The following SNAP25 variants were observed in gnomAD, a reference collection of about 807,000 sequenced individuals.
SNAP25 encodes synaptosome associated protein 25.
SNAP25 carries 3 observed loss-of-function variants against 28.7 expected under a neutral mutation model. The ratio of observed to expected loss-of-function variants is 0.10; its 90% CI spans 0.05 to 0.27. The LOEUF is 0.27. Among genes scored for constraint, SNAP25 ranks in the 10% least tolerant of loss-of-function variants. The pLI is 1.00. For synonymous variants in SNAP25, 61 were observed against 88.1 expected (o/e 0.69, Z 1.72); for missense variants, 117 against 278.7 (o/e 0.42, Z 4.13).
At chr20:10,220,378 G>T (rs986001963) in intron 1 of SNAP25, among the ~76,000 whole-genome samples, 1 of 152,212 alleles carries the variant, frequency 6.6e-6, no homozygotes, top group Non-Finnish European at 1.5e-5. Context: ...TATCAGCACT[G>T]GTTATCGCAG....
intron 1 of SNAP25, among the ~76,000 whole-genome samples, chr20:10,254,485 TG>T (rs1205266790): frequency 3.3e-5 from 5 of 152,226 alleles, no homozygotes. Flanking sequence ...AGCTCAGGGT[TG>T]GCTCTTAGAA....
chr20:10,304,886 C>T (rs561751746), intron 7 of SNAP25, among the ~76,000 whole-genome samples: 3 of 152,256 alleles, frequency 2.0e-5, no homozygotes, highest in South Asian at 4.1e-4. Context: ...ATGCTCACAA[C>T]ACTTGAGTTC....
Position 10,293,233 on chromosome 20 carries a change from C to T in SNAP25, c.236C>T (p.Thr79Met), listed in dbSNP as rs1051276. ...KDMKEAEKNL[T>M]DLGKFCGLCV... The stretch of plus-strand genomic sequence containing the variant: ...ATGAAAGAAGCAGAAAAGAATTTGA[C>T]GGACCTAGGAAAATTCTGCGGGCTT... Residue 79 changes from threonine to methionine, a missense_variant, in exon 5 of 8, where the codon ACG becomes ATG. By Grantham distance (81) the Thr-to-Met change is moderately conservative. This residue lies in a region of SNAP25 where 88 missense variants were observed against 206.9 expected (regional missense o/e 0.43). Coordinates refer to ENST00000254976, the MANE Select transcript of SNAP25 (RefSeq NM_130811.4). This position sits in a 1 kb window ranked among gnomAD's most constrained non-coding sequence, Gnocchi z 5.6. The T allele has an allele frequency of 3.7e-6, 6 of 1,614,048 alleles. No homozygotes were observed. Among genetic ancestry groups the T allele is most frequent in the Non-Finnish European group, 5.1e-6 (6 of 1,179,988 alleles).
chr20:10,227,558 A>C (rs1184177410), intron 1 of SNAP25, among the ~76,000 whole-genome samples: 1 of 152,168 alleles, frequency 6.6e-6, no homozygotes, highest in Non-Finnish European at 1.5e-5. Flanking sequence ...CCAAGGAATT[A>C]CTTAGGTTTA....
chr20:10,249,308 A>C (rs1306465155), intron 1 of SNAP25, among the ~76,000 whole-genome samples: 1 of 152,134 alleles, frequency 6.6e-6, no homozygotes, highest in Non-Finnish European at 1.5e-5. Context: ...TGGTGGTAGG[A>C]TTCCTGCCCC....
At chr20:10,284,363 T>C (rs2063834799) in intron 3 of SNAP25, among the ~76,000 whole-genome samples, 1 of 152,236 alleles carries the variant, frequency 6.6e-6, no homozygotes, top group Non-Finnish European at 1.5e-5. Flanking sequence ...TCCAAAGGTT[T>C]GCTTTCTGTG....
intron 1 of SNAP25, among the ~76,000 whole-genome samples, chr20:10,236,966 A>AAATT (rs1448723776): frequency 1.3e-5 from 2 of 150,380 alleles, no homozygotes; most frequent in Admixed American, 6.6e-5. Flanking sequence ...ATACATAAAT[A>AAATT]AATAAATAAA....
chr20:10,221,208 A>G (rs2062626996), intron 1 of SNAP25, among the ~76,000 whole-genome samples: 1 of 152,180 alleles, frequency 6.6e-6, no homozygotes, highest in African/African-American at 2.4e-5. Context: ...GTGCTTGGAC[A>G]TTAGTAATTA....
At chr20:10,256,522 G>T (rs1360186685) in intron 1 of SNAP25, among the ~76,000 whole-genome samples, 1 of 151,924 alleles carries the variant, frequency 6.6e-6, no homozygotes, top group Non-Finnish European at 1.5e-5. Context: ...ACATTTTACA[G>T]ATAAAATACT....
At chr20:10,261,133 C>T (rs2063407836) in intron 1 of SNAP25, among the ~76,000 whole-genome samples, 1 of 152,048 alleles carries the variant, frequency 6.6e-6, no homozygotes, top group South Asian at 2.1e-4. Flanking sequence ...CAGAGTCATG[C>T]TCTGTCTTCT....
intron 1 of SNAP25, among the ~76,000 whole-genome samples, chr20:10,268,786 A>T (rs978083744): frequency 2.0e-5 from 3 of 152,160 alleles, no homozygotes; most frequent in Admixed American, 2.0e-4. Context: ...GAGCTTTTCA[A>T]ATTACCCTTG....
Position 10,235,731 on chromosome 20 carries a change from G to T in SNAP25, c.-64+16754G>T, listed in dbSNP as rs905442863. Reference sequence around the variant, plus strand: ...TTGGTAGATTGGCTGGAGCCTGCTTGGTGTGTTCACTCCCATGTCTAGTGG... The same window carrying T: ...TTGGTAGATTGGCTGGAGCCTGCTTTGTGTGTTCACTCCCATGTCTAGTGG... On this transcript the variant is annotated intron_variant, in intron 1 of 7. Coordinates refer to ENST00000254976, the MANE Select transcript of SNAP25 (RefSeq NM_130811.4). 2.0e-5 allele frequency among the ~76,000 whole-genome samples: 3 copies of T among 152,174 alleles called. No individual in the cohort carries two copies. In the East Asian group the frequency reaches 5.8e-4, roughly 29 times the overall value.
chr20:10,284,823 A>G, intron 4 of SNAP25, 51 bp downstream of exon 4: 1 of 1,465,516 alleles, frequency 6.8e-7, no homozygotes, highest in Non-Finnish European at 9.6e-7. Context: ...AATAATGTGC[A>G]TTTTAAAATT....
chr20:10,238,867 T>C (rs3787295), intron 1 of SNAP25, among the ~76,000 whole-genome samples: 25,513 of 151,614 alleles, frequency 0.17, 4,171 homozygotes, highest in African/African-American at 0.43. Context: ...ATCATAGCAC[T>C]GCACTCCAGC....
intron 1 of SNAP25, among the ~76,000 whole-genome samples, chr20:10,264,384 T>C (rs2063471124): frequency 6.6e-6 from 1 of 152,170 alleles, no homozygotes; most frequent in African/African-American, 2.4e-5. Flanking sequence ...TTAGCCAAGC[T>C]TGAAAGGAAT....
rs768217134 is a variant in SNAP25 at position 10,284,315 on chromosome 20, T to C, written c.115-409T>C. The stretch of plus-strand genomic sequence containing the variant: ...AATTTCACTGATGAAGACTTTCTGA[T>C]AGATAGTGCCAAAGAAGAAAATTTA... On this transcript the variant is annotated intron_variant, in intron 3 of 7. Coordinates refer to ENST00000254976, the MANE Select transcript of SNAP25 (RefSeq NM_130811.4). 5.9e-5 allele frequency among the ~76,000 whole-genome samples: 9 copies of C among 152,174 alleles called. No homozygotes were observed. The South Asian group carries it at 6.2e-4, about 11-fold the overall frequency.
At chr20:10,257,882 CAAAAAAAAA>C (rs57183397) in intron 1 of SNAP25, among the ~76,000 whole-genome samples, 1 of 84,220 alleles carries the variant, frequency 1.2e-5, no homozygotes, top group East Asian at 3.7e-4. Flanking sequence ...GACTCTGTCT[CAAAAAAAAA>C]AAAAAAAAAA....
At chr20:10,221,529 T>A (rs2062634282) in intron 1 of SNAP25, among the ~76,000 whole-genome samples, 1 of 152,198 alleles carries the variant, frequency 6.6e-6, no homozygotes, top group Admixed American at 6.5e-5. Flanking sequence ...CCAGGAGTCA[T>A]TCACACAGAC....
intron 4 of SNAP25, among the ~76,000 whole-genome samples, chr20:10,291,738 G>C (rs2064002730): frequency 6.6e-6 from 1 of 152,182 alleles, no homozygotes. Context: ...GTACTTATCA[G>C]TTGTATTCTA....
Sources: allele counts gnomAD v4.1 joint callset (sites outside exome capture counted in the v4.1 genomes callset), GRCh38; gene constraint gnomAD v4.1.1; regional missense constraint gnomAD v4.1.1; non-coding constraint Gnocchi (gnomAD v3.1); transcripts MANE v1.5; gene names NCBI Gene and HGNC (gene_info 2026-07-23, HGNC 2026-07-21).